Variants in FTCDNL1 observed in about 807,000 individuals in gnomAD.
FTCDNL1 encodes formiminotransferase cyclodeaminase N-terminal like.
A neutral mutation model predicts 5.9 loss-of-function variants in FTCDNL1; 11 were observed. The observed-to-expected ratio is 1.87, with a 90% confidence interval of 1.18 to 3.10. The LOEUF is 3.10. Among genes scored for constraint, FTCDNL1 ranks in the 30% most tolerant of loss-of-function variants. The pLI is 0.00. For synonymous variants in FTCDNL1, 58 were observed against 24.8 expected (o/e 2.34, Z -3.99); for missense variants, 115 against 65.5 (o/e 1.76, Z -2.61).
the FTCDNL1 span, among the ~76,000 whole-genome samples, chr2:199,672,555 G>C: frequency 2.2e-3 from 341 of 152,218 alleles, 1 homozygote; most frequent in African/African-American, 7.8e-3. Flanking sequence ...GAGCAGGGTA[G>C]CTGGGTGGTT....
the FTCDNL1 span, among the ~76,000 whole-genome samples, chr2:199,712,006 T>C: frequency 2.0e-5 from 3 of 152,120 alleles, no homozygotes; most frequent in African/African-American, 7.2e-5. Context: ...CCCAATGATG[T>C]AGACCAGATA....
At chr2:199,728,941 G>A in the FTCDNL1 span, among the ~76,000 whole-genome samples, 1 of 152,164 alleles carries the variant, frequency 6.6e-6, no homozygotes, top group Non-Finnish European at 1.5e-5. Context: ...CCAGGATGAA[G>A]TTTGTCCTGC....
chr2:199,686,912 G>A, the FTCDNL1 span, among the ~76,000 whole-genome samples: 1 of 152,150 alleles, frequency 6.6e-6, no homozygotes, highest in Non-Finnish European at 1.5e-5. Context: ...CAAAAGTTTG[G>A]TAATTAGTAT....
chr2:199,843,738 G>A (rs1435376689), intron 3 of FTCDNL1, among the ~76,000 whole-genome samples: 2 of 152,102 alleles, frequency 1.3e-5, no homozygotes, highest in African/African-American at 4.8e-5. Flanking sequence ...TTTTTTCCCC[G>A]AAGATTATAA....
chr2:199,746,927 TGG>T, the FTCDNL1 span, among the ~76,000 whole-genome samples: 2 of 152,044 alleles, frequency 1.3e-5, no homozygotes, highest in African/African-American at 4.8e-5. Flanking sequence ...TTAAACGTCT[TGG>T]GTTGTGAGTT....
the FTCDNL1 span, among the ~76,000 whole-genome samples, chr2:199,685,566 T>C: frequency 6.6e-6 from 1 of 152,226 alleles, no homozygotes; most frequent in African/African-American, 2.4e-5. Context: ...AGTCTTGCTG[T>C]AACTGCAATG....
chr2:199,701,856 G>A, the FTCDNL1 span, among the ~76,000 whole-genome samples: 22 of 152,168 alleles, frequency 1.4e-4, no homozygotes, highest in South Asian at 2.1e-3. Flanking sequence ...CCAACATGGC[G>A]AAACCCCGTC....
At chr2:199,819,330 A>T (rs774903385) in intron 4 of FTCDNL1, 7 of 503,180 alleles carry the variant, frequency 1.4e-5, no homozygotes, top group Non-Finnish European at 2.1e-5. Context: ...TTGCAGGGCT[A>T]ATGATATATC....
At chr2:199,760,637 T>A in exon 4 of FTCDNL1, 1 of 560,712 alleles carries the variant, frequency 1.8e-6, no homozygotes, top group Non-Finnish European at 3.2e-6. Context: ...GTAAATGCAA[T>A]ATACCCTCTA....
At chr2:199,722,407 T>G in the FTCDNL1 span, among the ~76,000 whole-genome samples, 1 of 152,212 alleles carries the variant, frequency 6.6e-6, no homozygotes, top group Non-Finnish European at 1.5e-5. Context: ...TGCTTGTTTT[T>G]GTCAGGTTTG....
chr2:199,665,119 A>G, the FTCDNL1 span, among the ~76,000 whole-genome samples: 1 of 152,122 alleles, frequency 6.6e-6, no homozygotes, highest in African/African-American at 2.4e-5. Context: ...CCTTCCTTCT[A>G]CTTCTCTTTC....
intron 3 of FTCDNL1, among the ~76,000 whole-genome samples, chr2:199,761,715 C>T (rs1454462651): frequency 6.6e-6 from 1 of 152,182 alleles, no homozygotes; most frequent in Non-Finnish European, 1.5e-5. Flanking sequence ...TCTTCATCCA[C>T]TACACCCCAG....
chr2:199,761,064 T>C (rs1303163078), intron 3 of FTCDNL1, among the ~76,000 whole-genome samples: 1 of 152,228 alleles, frequency 6.6e-6, no homozygotes, highest in African/African-American at 2.4e-5. Flanking sequence ...CCTCTGTAAG[T>C]AGTCCCTTCA....
intron 3 of FTCDNL1, among the ~76,000 whole-genome samples, chr2:199,791,775 A>T (rs1389130440): frequency 1.3e-5 from 2 of 152,140 alleles, no homozygotes; most frequent in African/African-American, 2.4e-5. Context: ...ATAAAGAAAA[A>T]TTTTTGATGG....
chr2:199,707,846 T>C, the FTCDNL1 span, among the ~76,000 whole-genome samples: 1 of 152,076 alleles, frequency 6.6e-6, no homozygotes, highest in Non-Finnish European at 1.5e-5. Flanking sequence ...CAATGCACTA[T>C]TTTTTTCTCC....
At chr2:199,747,209 G>C in the FTCDNL1 span, among the ~76,000 whole-genome samples, 1 of 152,144 alleles carries the variant, frequency 6.6e-6, no homozygotes, top group Non-Finnish European at 1.5e-5. Context: ...AATATTCAGA[G>C]AGAAAGTGCT....
the FTCDNL1 span, among the ~76,000 whole-genome samples, chr2:199,673,592 C>G: frequency 6.6e-6 from 1 of 152,282 alleles, no homozygotes; most frequent in East Asian, 1.9e-4. Context: ...GAAACAAACT[C>G]ATACAGTCCA....
intron 3 of FTCDNL1, among the ~76,000 whole-genome samples, chr2:199,790,719 AG>A (rs928319993): frequency 2.0e-5 from 3 of 152,204 alleles, no homozygotes; most frequent in African/African-American, 7.2e-5. Context: ...ACTAATAGTT[AG>A]GAAACTGCAA....
At chr2:199,822,428 T>G (rs1455604927) in intron 3 of FTCDNL1, among the ~76,000 whole-genome samples, 2 of 152,096 alleles carry the variant, frequency 1.3e-5, no homozygotes, top group African/African-American at 4.8e-5. Flanking sequence ...ACTTTTTTGC[T>G]AAAAAATGCT....
Sources: gnomAD v4.1 joint callset for allele counts (sites outside exome capture counted in the v4.1 genomes callset) on GRCh38, gnomAD v4.1.1 for gene constraint, MANE v1.5 for transcripts, NCBI Gene and HGNC (gene_info 2026-07-23, HGNC 2026-07-21) for gene names.